MSMB: variants seen among roughly 807,000 people sequenced by gnomAD.
MSMB encodes microseminoprotein beta.
MSMB carries 10 observed loss-of-function variants against 10.5 expected under a neutral mutation model. The observed-to-expected ratio is 0.95, with a 90% CI of 0.59 to 1.62. The LOEUF is 1.62. Ranked by LOEUF, MSMB falls within the 40% of genes most tolerant of loss-of-function variation. MSMB has a pLI of 0.00. For synonymous variants in MSMB, 43 were observed against 46.5 expected (o/e 0.93, Z 0.30); for missense variants, 126 against 137.4 (o/e 0.92, Z 0.42).
At chr10:46,034,073 T>A (rs781784224) in intron 3 of MSMB, among the ~76,000 whole-genome samples, 5 of 152,166 alleles carry the variant, frequency 3.3e-5, no homozygotes, top group Non-Finnish European at 5.9e-5. Flanking sequence ...TCTGATGAGA[T>A]GAGATGATAC....
rs190739262 is a variant in MSMB, at chr10:46,038,724, C to G, written c.215+242G>C. Reference sequence around the variant, plus strand: ...GTAGGTTCATCAGTCATAACAAATACACCACTGTGGTGGACGATGTTGATA... The same window carrying G: ...GTAGGTTCATCAGTCATAACAAATAGACCACTGTGGTGGACGATGTTGATA... On this transcript the variant is annotated intron_variant, in intron 3 of 3. Transcript: ENST00000582163. Among the ~76,000 whole-genome samples, 4 of 152,252 alleles carry G rather than the reference C, an allele frequency of 2.6e-5. No individual in the cohort carries two copies. In the East Asian group the frequency reaches 7.7e-4, roughly 29 times the overall value.
intron 1 of MSMB, among the ~76,000 whole-genome samples, chr10:46,045,417 A>C (rs1840871484): frequency 6.6e-6 from 1 of 152,202 alleles, no homozygotes; most frequent in East Asian, 1.9e-4. Flanking sequence ...CTGTGGTCCC[A>C]GCTACTTGGG....
chr10:46,039,919 T>A (rs1317450121), intron 2 of MSMB, 67 bp downstream of exon 2: 2 of 1,166,140 alleles, frequency 1.7e-6, no homozygotes, highest in African/African-American at 3.0e-5. Flanking sequence ...ACAAAGGCTT[T>A]CATCTGCAGA....
chr10:46,035,381 T>G (rs1840577629), intron 3 of MSMB, among the ~76,000 whole-genome samples: 1 of 152,244 alleles, frequency 6.6e-6, no homozygotes, highest in Admixed American at 6.5e-5. Context: ...CATTACTTAC[T>G]TTATCCAACA....
At chr10:46,036,468 T>G (rs539621799) in intron 3 of MSMB, among the ~76,000 whole-genome samples, 2 of 152,232 alleles carry the variant, frequency 1.3e-5, no homozygotes, top group Admixed American at 1.3e-4. Context: ...CCTGACCAGG[T>G]GTCAGTTACT....
chr10:46,036,059 C>A (rs1840595782), intron 3 of MSMB, among the ~76,000 whole-genome samples: 1 of 152,146 alleles, frequency 6.6e-6, no homozygotes, highest in Non-Finnish European at 1.5e-5. Context: ...TTCAGCTAAC[C>A]AGAGTCAGTG....
At chr10:46,034,563 C>T (rs1013138659) in intron 3 of MSMB, among the ~76,000 whole-genome samples, 15 of 151,846 alleles carry the variant, frequency 9.9e-5, no homozygotes, top group African/African-American at 2.7e-4. Flanking sequence ...CTGTGTCTCA[C>T]GCCTGTAATC....
intron 3 of MSMB, among the ~76,000 whole-genome samples, chr10:46,037,671 C>T (rs992660105): frequency 1.3e-5 from 2 of 152,288 alleles, no homozygotes; most frequent in Non-Finnish European, 1.5e-5. Context: ...CATCTGATCC[C>T]TCTGCCTATG....
chr10:46,035,816 T>C (rs1840588413), intron 3 of MSMB, among the ~76,000 whole-genome samples: 1 of 152,118 alleles, frequency 6.6e-6, no homozygotes, highest in Non-Finnish European at 1.5e-5. Flanking sequence ...TAGTATACAT[T>C]TTACCACAAT....
At chr10:46,041,564 C>T (rs1840755087) in intron 1 of MSMB, among the ~76,000 whole-genome samples, 1 of 152,068 alleles carries the variant, frequency 6.6e-6, no homozygotes, top group Non-Finnish European at 1.5e-5. Context: ...GAAGCTGAGG[C>T]AGGCACATCG....
intron 1 of MSMB, among the ~76,000 whole-genome samples, chr10:46,044,431 C>T (rs1214445040): frequency 1.2e-4 from 18 of 148,082 alleles, no homozygotes; most frequent in Non-Finnish European, 2.2e-4. Context: ...AAAAAATTAG[C>T]TGGGCGTGGT....
At chr10:46,042,655 A>G (rs912366249) in intron 1 of MSMB, among the ~76,000 whole-genome samples, 12 of 152,222 alleles carry the variant, frequency 7.9e-5, no homozygotes, top group Non-Finnish European at 4.4e-5. Context: ...AAAGAAACAA[A>G]ATGCCCAAGA....
intron 2 of MSMB, 44 bp downstream of exon 2, chr10:46,039,940 TAC>T: frequency 7.1e-7 from 1 of 1,406,268 alleles, no homozygotes; most frequent in South Asian, 1.2e-5. Context: ...CAGGTCCATC[TAC>T]CAGGCTGCAA....
Position 46,039,089 on chromosome 10 carries a change from A to G in MSMB, c.110-18T>C. 6.2e-7 allele frequency: 1 copy of G among 1,605,940 alleles called. No homozygotes were observed. The highest frequency in any genetic ancestry group is 1.7e-4 in the Middle Eastern group (1 of 6,048). On this transcript the variant is annotated intron_variant, in intron 2 of 3. Transcript: ENST00000582163. ...CATGCATTCTAAAATAATACACACA[A>G]CATCATCAGTGCAAGTCATGCAATG...
intron 3 of MSMB, among the ~76,000 whole-genome samples, chr10:46,036,771 G>A (rs1464860226): frequency 6.6e-6 from 1 of 152,198 alleles, no homozygotes; most frequent in African/African-American, 2.4e-5. Flanking sequence ...CCAGCCTACA[G>A]TGGAGAATCT....
intron 3 of MSMB, among the ~76,000 whole-genome samples, chr10:46,033,893 A>T (rs1840526965): frequency 6.6e-6 from 1 of 152,156 alleles, no homozygotes; most frequent in African/African-American, 2.4e-5. Flanking sequence ...AGAATGTGGA[A>T]AGGAAACAAA....
Position 46,039,083 on chromosome 10 carries a change from C to T in MSMB, c.110-12G>A, listed in dbSNP as rs1840682632. The T allele has an allele frequency of 1.2e-6, 2 of 1,608,888 alleles. No homozygotes were observed. The highest frequency in any genetic ancestry group is 1.7e-6 in the Non-Finnish European group (2 of 1,175,892). On this transcript the variant is annotated splice_polypyrimidine_tract_variant and intron_variant, in intron 2 of 3. Coordinates refer to ENST00000582163, the MANE Select transcript of MSMB (RefSeq NM_002443.4). ...GAGATCCATGCATTCTAAAATAATA[C>T]ACACAACATCATCAGTGCAAGTCAT...
At chr10:46,044,555 G>A (rs1247463361) in intron 1 of MSMB, among the ~76,000 whole-genome samples, 5 of 115,678 alleles carry the variant, frequency 4.3e-5, no homozygotes, top group African/African-American at 1.7e-4. Flanking sequence ...CAGCCTGGGC[G>A]ACAGAGAGAC....
chr10:46,033,637 AC>A (rs1250599724), intron 3 of MSMB, 86 bp from the exon 4 acceptor site: 99 of 1,562,940 alleles, frequency 6.3e-5, no homozygotes, highest in Non-Finnish European at 8.5e-5. Flanking sequence ...TCAGGAAGTC[AC>A]CCACACTCCA....
Sources: gnomAD v4.1 joint callset for allele counts (sites outside exome capture counted in the v4.1 genomes callset) on GRCh38, gnomAD v4.1.1 for gene constraint, MANE v1.5 for transcripts, NCBI Gene and HGNC (gene_info 2026-07-23, HGNC 2026-07-21) for gene names.